Variants in POM121 observed in about 807,000 individuals in gnomAD.
POM121 encodes the protein POM121 transmembrane nucleoporin, also known as nuclear envelope pore membrane protein POM 121.
In POM121, 32 loss-of-function variants were observed where a neutral mutation model predicts 81.3. The observed-to-expected ratio is 0.39, with a 90% CI of 0.30 to 0.53. POM121 has a LOEUF of 0.53. Among genes scored for constraint, POM121 ranks in the 20% least tolerant of loss-of-function variants. The pLI is 0.66. For missense variants in POM121, 1,138 were observed against 1,614.6 expected, an observed-to-expected ratio of 0.70 and a Z score of 5.06; for synonymous variants, 514 against 694.2, an observed-to-expected ratio of 0.74 and a Z score of 4.08.
intron 3 of POM121, among the ~76,000 whole-genome samples, chr7:72,892,362 G>C (rs61491570): frequency 0.11 from 17,129 of 152,184 alleles, 1,254 homozygotes; most frequent in East Asian, 0.31. Flanking sequence ...GATAAACTGT[G>C]CATGTTCCAA....
chr7:72,886,102 C>T (rs1301168528), intron 1 of POM121, among the ~76,000 whole-genome samples: 2 of 152,114 alleles, frequency 1.3e-5, no homozygotes, highest in African/African-American at 4.8e-5. Context: ...TTTATTTTTA[C>T]AGGTGGTATC....
chr7:72,892,789 C>T (rs186907901), intron 3 of POM121, among the ~76,000 whole-genome samples: 1 of 152,034 alleles, frequency 6.6e-6, no homozygotes, highest in Non-Finnish European at 1.5e-5. Flanking sequence ...CCTCAGCCTC[C>T]CAAAGTAGCT....
chr7:72,893,312 G>A (rs558246272), intron 3 of POM121, among the ~76,000 whole-genome samples: 94 of 151,954 alleles, frequency 6.2e-4, no homozygotes, highest in African/African-American at 1.9e-3. Context: ...GGCCAGGCAC[G>A]GTGGCTCATG....
At chr7:72,919,143 T>C (rs1373940570) in intron 4 of POM121, among the ~76,000 whole-genome samples, 1 of 151,352 alleles carries the variant, frequency 6.6e-6, no homozygotes, top group Non-Finnish European at 1.5e-5. Context: ...TGACCTCAGG[T>C]GATTCACCCG....
downstream of POM121, chr7:72,949,632 G>A (rs3864361): frequency 9.7e-5 from 64 of 657,714 alleles, no homozygotes; most frequent in Non-Finnish European, 1.6e-4. Flanking sequence ...AAGGGCCCAG[G>A]GTCAGAGGTA....
At chr7:72,923,122 C>G (rs555536234), upstream of POM121, among the ~76,000 whole-genome samples, 10 of 150,004 alleles carry the variant, frequency 6.7e-5, no homozygotes, top group South Asian at 4.3e-4. Flanking sequence ...AACCCCCCCC[C>G]CCTTTTTTTT....
chr7:72,949,922 C>G (rs782328522), downstream of POM121: 1 of 1,612,638 alleles, frequency 6.2e-7, no homozygotes, highest in African/African-American at 1.3e-5. Context: ...GACATGGGAG[C>G]CTGGCGGGGG....
intron 3 of POM121, among the ~76,000 whole-genome samples, chr7:72,902,081 A>G (rs1792707964): frequency 6.6e-6 from 1 of 151,628 alleles, no homozygotes; most frequent in Admixed American, 6.6e-5. Flanking sequence ...CATTGCACTC[A>G]AGCTTAGGCA....
At chr7:72,913,875 T>C (rs1382015575) in intron 4 of POM121, 3 of 152,274 alleles carry the variant, frequency 2.0e-5, no homozygotes, top group Non-Finnish European at 4.4e-5. Flanking sequence ...CTGTAGCAGA[T>C]GCTGTTTTCT....
exon 1 of POM121, chr7:72,879,787 G>A: frequency 6.0e-6 from 3 of 496,310 alleles, no homozygotes; most frequent in Non-Finnish European, 1.2e-5. Context: ...TGGTGAGGTG[G>A]ACGGGAGGGG....
chr7:72,895,128 TG>T (rs1475542829), intron 3 of POM121, among the ~76,000 whole-genome samples: 1 of 152,220 alleles, frequency 6.6e-6, no homozygotes, highest in Non-Finnish European at 1.5e-5. Context: ...GCACCCGGCC[TG>T]TCTGTTCTGG....
intron 4 of POM121, among the ~76,000 whole-genome samples, chr7:72,918,762 G>A (rs1554495472): frequency 6.6e-6 from 1 of 151,840 alleles, no homozygotes; most frequent in Non-Finnish European, 1.5e-5. Context: ...GTCCTCATGT[G>A]ACCTTTTCTC....
chr7:72,903,533 G>A (rs1449581740), intron 3 of POM121, among the ~76,000 whole-genome samples: 8 of 152,236 alleles, frequency 5.3e-5, no homozygotes, highest in African/African-American at 1.4e-4. Context: ...GCTGTGGGCT[G>A]TAGCTGTTTG....
In POM121 at chr7:72,939,424, CAGG is replaced by C. The variant is rs1409408726; in HGVS notation, c.1441+22_1441+24del. On this transcript the variant is annotated intron_variant, in intron 7 of 12. Transcript: ENST00000434423. Reference sequence around the variant, plus strand: ...GGGAGAAAAGGGTAGGTTGCTGAGCCAGGAGGAGGGGCTGCTGTTGGTGGTGGA... The same window carrying C: ...GGGAGAAAAGGGTAGGTTGCTGAGCCAGGAGGGGCTGCTGTTGGTGGTGGA... 1 of 1,613,512 alleles carries C rather than the reference CAGG, an allele frequency of 6.2e-7. No homozygotes were observed. Among genetic ancestry groups the C allele is most frequent in the East Asian group, 2.2e-5 (1 of 44,890 alleles).
intron 4 of POM121, among the ~76,000 whole-genome samples, chr7:72,915,582 C>G (rs1794218497): frequency 6.6e-6 from 1 of 152,176 alleles, no homozygotes; most frequent in South Asian, 2.1e-4. Flanking sequence ...CCCATGTTGG[C>G]CAGGCTGGTC....
chr7:72,892,739 C>T (rs1220079408), intron 3 of POM121, among the ~76,000 whole-genome samples: 1 of 151,940 alleles, frequency 6.6e-6, no homozygotes, highest in Non-Finnish European at 1.5e-5. Context: ...GATCTCGGCT[C>T]ACTGCAGCCT....
chr7:72,949,794 G>T (rs1220743621), downstream of POM121: 49 of 1,095,072 alleles, frequency 4.5e-5, 1 homozygote, highest in South Asian at 1.6e-4. Context: ...ATTACCCACT[G>T]AAAGGCACAA....
At position 72,926,326 on chromosome 7, in the gene POM121, G is replaced by A. The variant is rs781925005; in HGVS notation, c.709G>A (p.Ala237Thr). 205 of 1,610,010 alleles carry A rather than the reference G, an allele frequency of 1.3e-4. 3 individuals are homozygous for A. In the South Asian group the frequency reaches 2.2e-3, roughly 17 times the overall value. ...TPRRRYPIHQAQYSCLGVLPT... is the reference protein window; with the variant it reads ...TPRRRYPIHQTQYSCLGVLPT... ...TAGAAGACGCTATCCGATCCATCAG[G>A]CCCAGTATTCCTGTCTGGGGGTACT... is the stretch of plus-strand genomic sequence containing the variant. The change falls in exon 2 of 13, where the codon GCC (alanine) becomes ACC (threonine). Residue 237 changes from alanine to threonine, a missense_variant. Transcript: ENST00000434423.
intron 3 of POM121, among the ~76,000 whole-genome samples, chr7:72,901,513 C>T (rs1485548100): frequency 1.3e-5 from 2 of 151,960 alleles, no homozygotes; most frequent in African/African-American, 2.4e-5. Flanking sequence ...CGCCACCGTG[C>T]CTGGCTAATT....
Sources: allele counts gnomAD v4.1 joint callset (sites outside exome capture counted in the v4.1 genomes callset), GRCh38; gene constraint gnomAD v4.1.1; transcripts MANE v1.5; gene names NCBI Gene and HGNC (gene_info 2026-07-23, HGNC 2026-07-21).